SGCD: variants seen among roughly 807,000 people sequenced by gnomAD.
The protein encoded by SGCD is sarcoglycan delta, also known as delta-sarcoglycan.
Under a neutral mutation model 36.6 loss-of-function variants are expected in SGCD, and 18 were observed. The observed-to-expected ratio is 0.49, with a 90% CI of 0.34 to 0.73. The LOEUF (loss-of-function observed/expected upper bound fraction) is 0.73. Among genes scored for constraint, SGCD ranks in the 30% least tolerant of loss-of-function variants. The pLI, the probability that SGCD is intolerant of heterozygous loss-of-function variation, is 0.01. For missense variants in SGCD, 387 were observed against 346.7 expected, an observed-to-expected ratio of 1.12 and a Z score of -0.92; for synonymous variants, 133 against 130.6, an observed-to-expected ratio of 1.02 and a Z score of -0.12.
chr5:156,205,948 A>G (rs1217450103), intron 3 of SGCD, among the ~76,000 whole-genome samples: 1 of 149,152 alleles, frequency 6.7e-6, no homozygotes, highest in African/African-American at 2.5e-5. Context: ...TGCCATGTCT[A>G]TTTTTCTATG....
intron 1 of SGCD, among the ~76,000 whole-genome samples, chr5:155,900,428 A>T (rs244970): frequency 0.51 from 74,996 of 147,214 alleles, 20,285 homozygotes; most frequent in Non-Finnish European, 0.63. Context: ...GCTTTTTTTT[A>T]TTATTATTAT....
chr5:155,929,433 C>T (rs150326819), intron 1 of SGCD, among the ~76,000 whole-genome samples: 2 of 152,266 alleles, frequency 1.3e-5, no homozygotes, highest in African/African-American at 2.4e-5. Context: ...ACTTGGCAAT[C>T]GAACCTCATA....
At chr5:155,957,041 G>C (rs1194377096) in intron 1 of SGCD, among the ~76,000 whole-genome samples, 2 of 151,984 alleles carry the variant, frequency 1.3e-5, no homozygotes, top group African/African-American at 4.8e-5. Flanking sequence ...GATCAATAAA[G>C]GTGACAGAGG....
chr5:156,358,802 A>G (rs1301472198), intron 3 of SGCD, among the ~76,000 whole-genome samples: 2 of 152,246 alleles, frequency 1.3e-5, no homozygotes, highest in African/African-American at 2.4e-5. Context: ...AGCCAAAGTA[A>G]AATGAAGAAA....
intron 3 of SGCD, among the ~76,000 whole-genome samples, chr5:156,258,041 A>G (rs957169837): frequency 6.6e-6 from 1 of 152,182 alleles, no homozygotes; most frequent in Admixed American, 6.5e-5. Flanking sequence ...ACAACTTTTT[A>G]TTGACAACCT....
rs1757523931 is a variant in SGCD at position 156,762,924 on chromosome 5, C to A, written c.*3534C>A. 1 of 152,204 alleles carries A rather than the reference C, an allele frequency of 6.6e-6. No individual in the cohort carries two copies. The highest frequency in any genetic ancestry group is 2.4e-5 in the African/African-American group (1 of 41,446). 9.4% of individuals were successfully genotyped at this position (152,204 alleles called of 1,614,324 possible). A position where few individuals can be genotyped will look rare whatever the true frequency, so the allele number is the denominator to read the frequency against. ...CTGTGTAGGTTTGGGAATATAGTTACTTGGCAAAGTCTTTCAGGAAGGAAG... is the reference window on the plus strand; with the variant it reads ...CTGTGTAGGTTTGGGAATATAGTTAATTGGCAAAGTCTTTCAGGAAGGAAG... On this transcript the variant is annotated 3_prime_UTR_variant, in exon 9 of 9. Transcript: ENST00000337851.
chr5:156,717,355 A>G (rs1755272681), intron 7 of SGCD, among the ~76,000 whole-genome samples: 1 of 152,146 alleles, frequency 6.6e-6, no homozygotes, highest in Admixed American at 6.5e-5. Flanking sequence ...CTCTTCTCCA[A>G]CTACATCCTA....
At chr5:155,819,859 C>T in the SGCD span, among the ~76,000 whole-genome samples, 1 of 152,114 alleles carries the variant, frequency 6.6e-6, no homozygotes, top group Non-Finnish European at 1.5e-5. Context: ...CTTGTGACCT[C>T]AACATTTTGC....
At chr5:156,605,771 GT>G (rs775360662) in intron 6 of SGCD, among the ~76,000 whole-genome samples, 115 of 152,300 alleles carry the variant, frequency 7.6e-4, no homozygotes, top group Non-Finnish European at 4.6e-4. Context: ...TCTCATTGTG[GT>G]TTTGATTTGC....
chr5:156,012,881 C>A (rs1320771327), intron 1 of SGCD, among the ~76,000 whole-genome samples: 1 of 151,582 alleles, frequency 6.6e-6, no homozygotes, highest in Non-Finnish European at 1.5e-5. Context: ...GCTGGGATTA[C>A]AGGCGTGAGC....
At chr5:155,796,294 A>T in the SGCD span, among the ~76,000 whole-genome samples, 1 of 152,174 alleles carries the variant, frequency 6.6e-6, no homozygotes, top group Non-Finnish European at 1.5e-5. Context: ...AAAAAACAAA[A>T]GATAGGTAGA....
At chr5:156,219,430 G>A (rs953714963) in intron 3 of SGCD, among the ~76,000 whole-genome samples, 4 of 152,020 alleles carry the variant, frequency 2.6e-5, no homozygotes, top group African/African-American at 9.7e-5. Flanking sequence ...TTCCATTCTT[G>A]TCGGACATAG....
intron 1 of SGCD, among the ~76,000 whole-genome samples, chr5:155,973,456 A>C (rs951629309): frequency 6.6e-6 from 1 of 152,194 alleles, no homozygotes; most frequent in African/African-American, 2.4e-5. Flanking sequence ...GTTTTGCCCA[A>C]ATATTCTCTC....
At chr5:156,232,677 T>C (rs1765049155) in intron 3 of SGCD, among the ~76,000 whole-genome samples, 1 of 152,232 alleles carries the variant, frequency 6.6e-6, no homozygotes. Flanking sequence ...TTACAGGAAC[T>C]GTAGCTCCCT....
chr5:156,174,348 T>A (rs1214245480), intron 3 of SGCD, among the ~76,000 whole-genome samples: 1 of 152,142 alleles, frequency 6.6e-6, no homozygotes, highest in African/African-American at 2.4e-5. Context: ...GAAATGGCTT[T>A]CCAGTGGAGG....
At chr5:155,934,195 C>G (rs911086294) in intron 1 of SGCD, among the ~76,000 whole-genome samples, 3 of 152,108 alleles carry the variant, frequency 2.0e-5, no homozygotes, top group Non-Finnish European at 2.9e-5. Context: ...GAGAATGTTG[C>G]CAGGTGCAGA....
chr5:156,002,031 G>T lies in SGCD; in HGVS notation c.-281-115847G>T, dbSNP rs73810387. On this transcript the variant is annotated intron_variant, in intron 1 of 9. Transcript: ENST00000517913. ...ATGGGAACTAAAGTTGAAATGAAATGAAAGAAAGATAAGATGACGTTACAG... is the reference window on the plus strand; with the variant it reads ...ATGGGAACTAAAGTTGAAATGAAATTAAAGAAAGATAAGATGACGTTACAG... 6.2e-3 allele frequency among the ~76,000 whole-genome samples: 949 copies of T among 152,350 alleles called. 11 individuals carry two copies. Among genetic ancestry groups the T allele is most frequent in the African/African-American group, 0.022 (898 of 41,580 alleles).
At chr5:155,901,487 C>T (rs769502608) in intron 1 of SGCD, among the ~76,000 whole-genome samples, 20 of 152,182 alleles carry the variant, frequency 1.3e-4, no homozygotes, top group Non-Finnish European at 2.2e-4. Flanking sequence ...GGAGCTCTGA[C>T]ATGGGAAAAT....
chr5:156,097,123 G>T (rs543599297), intron 1 of SGCD, among the ~76,000 whole-genome samples: 7 of 151,550 alleles, frequency 4.6e-5, no homozygotes, highest in African/African-American at 1.5e-4. Context: ...CTGCTTTTAA[G>T]ATTTTTTTTT....
Sources: gnomAD v4.1 joint callset for allele counts (sites outside exome capture counted in the v4.1 genomes callset) on GRCh38, gnomAD v4.1.1 for gene constraint, MANE v1.5 for transcripts, NCBI Gene and HGNC (gene_info 2026-07-23, HGNC 2026-07-21) for gene names.